COX7B2: variants seen among roughly 807,000 people sequenced by gnomAD.
COX7B2 encodes the protein cytochrome c oxidase subunit 7B2, mitochondrial.
For missense variants in COX7B2, 109 were observed against 95.9 expected (o/e 1.14, Z -0.57); for synonymous variants, 37 against 32.1 (o/e 1.15, Z -0.51).
chr4:46,838,446 T>C (rs1477866451), intron 2 of COX7B2, among the ~76,000 whole-genome samples: 2 of 152,062 alleles, frequency 1.3e-5, no homozygotes, highest in Non-Finnish European at 2.9e-5. Context: ...GCAGGCCGAC[T>C]ATAGTCACAG....
At chr4:46,852,066 T>C (rs1716725053) in intron 1 of COX7B2, among the ~76,000 whole-genome samples, 1 of 152,096 alleles carries the variant, frequency 6.6e-6, no homozygotes, top group African/African-American at 2.4e-5. Flanking sequence ...CTATGGTGTT[T>C]GCCTAATGGT....
intron 2 of COX7B2, among the ~76,000 whole-genome samples, chr4:46,739,838 A>G (rs916915129): frequency 4.6e-5 from 7 of 152,012 alleles, no homozygotes; most frequent in African/African-American, 1.7e-4. Flanking sequence ...TGGAGACATG[A>G]GAAAAGAATG....
chr4:46,881,193 G>C (rs1028722438), intron 1 of COX7B2, among the ~76,000 whole-genome samples: 1 of 152,106 alleles, frequency 6.6e-6, no homozygotes, highest in Non-Finnish European at 1.5e-5. Context: ...AAGACCTGAC[G>C]ACATGTGCCC....
At chr4:46,740,282 TACAA>T (rs1163122788) in intron 2 of COX7B2, among the ~76,000 whole-genome samples, 1 of 152,120 alleles carries the variant, frequency 6.6e-6, no homozygotes. Context: ...CTATGATCAC[TACAA>T]ACAGTGTTAG....
intron 2 of COX7B2, among the ~76,000 whole-genome samples, chr4:46,764,962 A>C (rs1180417655): frequency 6.6e-6 from 1 of 152,098 alleles, no homozygotes; most frequent in African/African-American, 2.4e-5. Flanking sequence ...GGACAAGAAA[A>C]AAAGATAAAT....
intron 2 of COX7B2, among the ~76,000 whole-genome samples, chr4:46,824,525 AG>A (rs889322494): frequency 1.8e-4 from 27 of 152,270 alleles, no homozygotes; most frequent in Admixed American, 1.2e-3. Flanking sequence ...GTTAAGAGAT[AG>A]AAAAACAGAC....
At chr4:46,877,896 T>C (rs1412379894) in intron 1 of COX7B2, among the ~76,000 whole-genome samples, 2 of 151,960 alleles carry the variant, frequency 1.3e-5, no homozygotes, top group Non-Finnish European at 2.9e-5. Flanking sequence ...CTAAAGGAAA[T>C]GAAGTTAGCA....
chr4:46,848,767 GTGTT>G (rs1716466493), intron 1 of COX7B2, among the ~76,000 whole-genome samples: 1 of 151,944 alleles, frequency 6.6e-6, no homozygotes, highest in South Asian at 2.1e-4. Flanking sequence ...TATATGGTGT[GTGTT>G]TGTGTGTTTA....
chr4:46,871,023 C>T (rs1241684996), intron 1 of COX7B2, among the ~76,000 whole-genome samples: 1 of 151,204 alleles, frequency 6.6e-6, no homozygotes, highest in African/African-American at 2.4e-5. Flanking sequence ...AAAAAAGAGC[C>T]TAAATAGCCA....
chr4:46,791,191 A>G (rs1291092025), intron 2 of COX7B2, among the ~76,000 whole-genome samples: 9 of 140,696 alleles, frequency 6.4e-5, no homozygotes, highest in Non-Finnish European at 1.1e-4. Flanking sequence ...TTTTTTTTTT[A>G]GTAGAGAGGG....
At chr4:46,827,074 G>A (rs1418774786) in intron 2 of COX7B2, among the ~76,000 whole-genome samples, 2 of 151,934 alleles carry the variant, frequency 1.3e-5, no homozygotes, top group Non-Finnish European at 2.9e-5. Context: ...AGAAAAGATT[G>A]AAAAACAATA....
chr4:46,802,297 G>A (rs1259669848), intron 2 of COX7B2, among the ~76,000 whole-genome samples: 3 of 152,102 alleles, frequency 2.0e-5, no homozygotes, highest in Non-Finnish European at 2.9e-5. Context: ...TGTTTCACTG[G>A]AAAGGCTAAT....
chr4:46,797,642 C>T (rs1269933285), intron 2 of COX7B2, among the ~76,000 whole-genome samples: 1 of 152,152 alleles, frequency 6.6e-6, no homozygotes, highest in Non-Finnish European at 1.5e-5. Context: ...TTAGTGTCAC[C>T]TTCAAGGACT....
In COX7B2 at chr4:46,787,670, G is replaced by T. The variant is rs182134312; in HGVS notation, c.-49-52429C>A. ...TGAAGAGATAACATTTGAGATGCAA[G>T]GGCTAAGGAAACAGTGTCTAGCAGA... On this transcript the variant is annotated intron_variant, in intron 2 of 2. Transcript: ENST00000355591. Among the ~76,000 whole-genome samples, 7 of 152,264 alleles carry T rather than the reference G, an allele frequency of 4.6e-5. No individual in the cohort carries two copies. The East Asian group carries it at 1.4e-3, about 29-fold the overall frequency.
At chr4:46,908,885 CA>C (rs1195661597) in intron 1 of COX7B2, among the ~76,000 whole-genome samples, 9 of 150,478 alleles carry the variant, frequency 6.0e-5, no homozygotes, top group East Asian at 5.9e-4. Flanking sequence ...ACTAAAAATA[CA>C]AAAAAAAATT....
intron 2 of COX7B2, among the ~76,000 whole-genome samples, chr4:46,751,135 A>AT (rs111808418): frequency 0.32 from 48,616 of 150,500 alleles, 8,049 homozygotes; most frequent in South Asian, 0.48. Flanking sequence ...CTTCCCAAAG[A>AT]TTTTTTTTTT....
intron 2 of COX7B2, among the ~76,000 whole-genome samples, chr4:46,838,681 T>C (rs1274915517): frequency 6.6e-6 from 1 of 152,020 alleles, no homozygotes; most frequent in Non-Finnish European, 1.5e-5. Flanking sequence ...CTGAAGATGG[T>C]CAGTCCTTAC....
chr4:46,832,184 C>T (rs988153019), intron 2 of COX7B2, among the ~76,000 whole-genome samples: 1 of 152,158 alleles, frequency 6.6e-6, no homozygotes, highest in Non-Finnish European at 1.5e-5. Flanking sequence ...CTACTGCTAA[C>T]TCTTTGGGTC....
At chr4:46,860,364 G>C (rs1016904408) in intron 1 of COX7B2, among the ~76,000 whole-genome samples, 12 of 152,118 alleles carry the variant, frequency 7.9e-5, no homozygotes, top group African/African-American at 2.9e-4. Context: ...TGAGCTGATG[G>C]GCAAGGGGCT....
Sources: allele counts gnomAD v4.1 joint callset (sites outside exome capture counted in the v4.1 genomes callset), GRCh38; gene constraint gnomAD v4.1.1; transcripts MANE v1.5; gene names NCBI Gene and HGNC (gene_info 2026-07-23, HGNC 2026-07-21).